SERTAD4: variants seen among roughly 807,000 people sequenced by gnomAD.
SERTAD4 encodes the protein SERTA domain containing 4.
A neutral mutation model predicts 32.9 loss-of-function variants in SERTAD4; 18 were observed. That is an observed-to-expected ratio of 0.55 (90% confidence interval 0.38 to 0.81). The LOEUF is 0.81. Among genes scored for constraint, SERTAD4 ranks in the 30% least tolerant of loss-of-function variants. The pLI, the probability that SERTAD4 is intolerant of heterozygous loss-of-function variation, is 0.00. For missense variants in SERTAD4, 383 were observed against 426.0 expected, an observed-to-expected ratio of 0.90 and a Z score of 0.89; for synonymous variants, 150 against 156.4, an observed-to-expected ratio of 0.96 and a Z score of 0.30.
Position 210,241,490 on chromosome 1 carries a change from C to G in SERTAD4, c.292-68C>G, listed in dbSNP as rs1305084836. ...TGCTATGATGATGTTTTCATATAGTCCATTTTCTAAGCTTTCTCTCTTCCT... is the reference window on the plus strand; with the variant it reads ...TGCTATGATGATGTTTTCATATAGTGCATTTTCTAAGCTTTCTCTCTTCCT... On this transcript the variant is annotated intron_variant, in intron 3 of 3. Transcript: ENST00000367012. The G allele has an allele frequency of 2.1e-6, 3 of 1,439,672 alleles. No individual in the cohort carries two copies. The Admixed American group carries it at 7.0e-5, about 33-fold the overall frequency. The allele number at this position is 1,439,672 out of a possible 1,614,324, so 89.2% of individuals were successfully genotyped here. A position where few individuals can be genotyped will look rare whatever the true frequency, so the allele number is the denominator to read the frequency against.
At chr1:210,233,309 C>G (rs1019609258) in intron 1 of SERTAD4, among the ~76,000 whole-genome samples, 1 of 151,964 alleles carries the variant, frequency 6.6e-6, no homozygotes, top group Non-Finnish European at 1.5e-5. Flanking sequence ...TAGGGCTGCT[C>G]GGGCTGCCAC....
rs1002210087 is a variant in SERTAD4, at chr1:210,242,499, T to C, written c.*162T>C. ...GAGAGCAGATTGCGTAAAACATCTG[T>C]ATAGCAGGCATCAGCGAGCTTCTTA... On this transcript the variant is annotated 3_prime_UTR_variant, in exon 4 of 4. Transcript: ENST00000367012. The surrounding 1 kb of genome is among the most constrained non-coding windows in gnomAD (Gnocchi z 4.0). 1.5e-6 allele frequency: 2 copies of C among 1,376,782 alleles called. No homozygotes were observed. The allele number at this position is 1,376,782 out of a possible 1,614,324, so 85.3% of individuals were successfully genotyped here. A position where few individuals can be genotyped will look rare whatever the true frequency, so the allele number is the denominator to read the frequency against.
intron 1 of SERTAD4, chr1:210,233,724 AC>A (rs1343851361): frequency 2.1e-6 from 1 of 470,920 alleles, no homozygotes; most frequent in Admixed American, 2.3e-5. Context: ...GGCCCTAGCA[AC>A]TTTCCGAGTG....
intron 1 of SERTAD4, chr1:210,233,701 C>G (rs778070381): frequency 8.5e-6 from 4 of 470,872 alleles, no homozygotes; most frequent in Non-Finnish European, 1.8e-5. Context: ...CCTTCCTCCC[C>G]TCCCGCCTCT....
Position 210,245,409 on chromosome 1 carries a change from G to A in SERTAD4, c.*3072G>A, listed in dbSNP as rs921457266. The A allele has an allele frequency of 6.6e-6, 1 of 152,088 alleles. No homozygotes were observed. Among genetic ancestry groups the A allele is most frequent in the African/African-American group, 2.4e-5 (1 of 41,400 alleles). 9.4% of individuals were successfully genotyped at this position (152,088 alleles called of 1,614,324 possible). A position where few individuals can be genotyped will look rare whatever the true frequency, so the allele number is the denominator to read the frequency against. On this transcript the variant is annotated 3_prime_UTR_variant, in exon 4 of 4. Transcript: ENST00000367012. ...CTAAAAACAGCAGATTATAGAAGGT[G>A]GTCTGGCAAAGGGATTTTCAAAGGG...
chr1:210,239,908 A>G (rs1488548901), intron 3 of SERTAD4, among the ~76,000 whole-genome samples: 2 of 152,180 alleles, frequency 1.3e-5, no homozygotes, highest in East Asian at 1.9e-4. Flanking sequence ...TGGTTCTTCC[A>G]CACTTTTGTG....
In SERTAD4 at chr1:210,241,848, A is replaced by G. The variant is rs769737103; in HGVS notation, c.582A>G (p.Glu194=). ...TTCATGCCTGCTGCTTTTACCAAGA[A>G]TGTGGTGGCCACTACCTAAATTTAC... ...EKFHACCFYQ[E]CGGHYLNLPL... Residue 194 remains glutamate, a synonymous_variant, in exon 4 of 4, where the codon GAA becomes GAG. Transcript: ENST00000367012. The G allele has an allele frequency of 1.2e-6, 2 of 1,614,124 alleles. No homozygotes were observed. The highest frequency in any genetic ancestry group is 1.7e-6 in the Non-Finnish European group (2 of 1,180,008).
intron 3 of SERTAD4, among the ~76,000 whole-genome samples, chr1:210,240,972 A>G (rs1262307600): frequency 6.6e-6 from 1 of 152,142 alleles, no homozygotes. Context: ...AAAAACATGT[A>G]TTGATGTACA....
chr1:210,242,162 A>G lies in SERTAD4; in HGVS notation c.896A>G (p.His299Arg), dbSNP rs375120449. 1.9e-6 allele frequency: 3 copies of G among 1,614,106 alleles called. No individual in the cohort carries two copies. The African/African-American group carries it at 4.0e-5, about 22-fold the overall frequency. Reference sequence around the variant, plus strand: ...AACAGAGATGGTGGCCCCCTCAGCCACGAACCTGTGGGAAATGACCTTGCT... The same window carrying G: ...AACAGAGATGGTGGCCCCCTCAGCCGCGAACCTGTGGGAAATGACCTTGCT... The part of the protein sequence containing the change: ...DTNRDGGPLS[H>R]EPVGNDLAFE... The change falls in exon 4 of 4, where the codon CAC becomes CGC. Residue 299 changes from histidine (H) to arginine (R), a missense_variant. Transcript: ENST00000367012. The surrounding 1 kb of genome is among the most constrained non-coding windows in gnomAD (Gnocchi z 4.0).
At position 210,244,864 on chromosome 1, in the gene SERTAD4, G is replaced by A. The variant is rs767728722; in HGVS notation, c.*2527G>A. ...GCAGCATAAAAATCTGTTCTTTTTA[G>A]TCATCAAGTTTTTGTTTCCAGGATA... On this transcript the variant is annotated 3_prime_UTR_variant, in exon 4 of 4. Transcript: ENST00000367012. The A allele has an allele frequency of 6.6e-6, 1 of 152,062 alleles. No individual in the cohort carries two copies. The highest frequency in any genetic ancestry group is 2.4e-5 in the African/African-American group (1 of 41,406). The allele number at this position is 152,062 out of a possible 1,614,324, so 9.4% of individuals were successfully genotyped here.
At chr1:210,234,041 C>A (rs2083915833) in intron 1 of SERTAD4, 1 of 314,990 alleles carries the variant, frequency 3.2e-6, no homozygotes, top group Middle Eastern at 1.2e-3. Context: ...AGCTCTTATT[C>A]TTCAGAAGAG....
In SERTAD4 at chr1:210,246,001, T is replaced by G; in HGVS notation, c.*3664T>G. 3 of 898,260 alleles carry G rather than the reference T, an allele frequency of 3.3e-6. No homozygotes were observed. Among genetic ancestry groups the G allele is most frequent in the Non-Finnish European group, 4.0e-6 (3 of 750,654 alleles). 55.6% of individuals were successfully genotyped at this position (898,260 alleles called of 1,614,324 possible). On this transcript the variant is annotated 3_prime_UTR_variant, in exon 4 of 4. Coordinates refer to ENST00000367012, the MANE Select transcript of SERTAD4 (RefSeq NM_019605.5). ...TCTGACAGCCCCTTAAATTTGAAGT[T>G]ATTTCATTTGTAGTTAAGGTTATCA...
At position 210,241,620 on chromosome 1, in the gene SERTAD4, T is replaced by G; in HGVS notation, c.354T>G (p.Phe118Leu). Residue 118 changes from phenylalanine to leucine, a missense_variant, in exon 4 of 4, where the codon TTT becomes TTG. Around this residue, in one of 3 missense-constraint regions of SERTAD4, gnomAD observed 107 missense variants for 158.8 expected, o/e 0.67. Transcript: ENST00000367012. ...ILYMSLEKLKFIDDPEVYLRR... is the reference protein window; with the variant it reads ...ILYMSLEKLKLIDDPEVYLRR... ...ATATGTCCTTAGAAAAGCTAAAGTTTATCGATGATCCTGAAGTGTACCTCC... is the reference window on the plus strand; with the variant it reads ...ATATGTCCTTAGAAAAGCTAAAGTTGATCGATGATCCTGAAGTGTACCTCC... The G allele has an allele frequency of 6.2e-7, 1 of 1,613,080 alleles. No homozygotes were observed. Among genetic ancestry groups the G allele is most frequent in the African/African-American group, 1.3e-5 (1 of 74,854 alleles).
chr1:210,241,259 CA>C (rs2083991459), intron 3 of SERTAD4, among the ~76,000 whole-genome samples: 1 of 152,114 alleles, frequency 6.6e-6, no homozygotes, highest in Admixed American at 6.5e-5. Flanking sequence ...CATAATAGAT[CA>C]AACCACCTGA....
chr1:210,233,713 C>T (rs1401829796), intron 1 of SERTAD4: 5 of 470,964 alleles, frequency 1.1e-5, no homozygotes, highest in Non-Finnish European at 2.2e-5. Flanking sequence ...CCCGCCTCTT[C>T]GGCCCTAGCA....
Position 210,241,894 on chromosome 1 carries a change from G to A in SERTAD4, c.628G>A (p.Val210Ile), listed in dbSNP as rs1321970953. The change falls in exon 4 of 4, where the codon GTT becomes ATT. Residue 210 changes from valine (V) to isoleucine (I), a missense_variant. Coordinates refer to ENST00000367012, the MANE Select transcript of SERTAD4 (RefSeq NM_019605.5). ...LNLPLSVNAN[V>I]GSASTAASSP... ...TTTACCCCTTTCTGTCAATGCTAAT[G>A]TTGGAAGTGCCTCCACTGCTGCCTC... is the stretch of plus-strand genomic sequence containing the variant. 1.1e-5 allele frequency: 17 copies of A among 1,614,008 alleles called. No individual in the cohort carries two copies. In the South Asian group the frequency reaches 1.8e-4, roughly 17 times the overall value.
intron 1 of SERTAD4, among the ~76,000 whole-genome samples, chr1:210,235,213 G>C (rs747469813): frequency 6.6e-6 from 1 of 152,108 alleles, no homozygotes; most frequent in Non-Finnish European, 1.5e-5. Flanking sequence ...AATTGCTGAC[G>C]TCAGTAGCAG....
chr1:210,246,025 C>T lies in SERTAD4; in HGVS notation c.*3688C>T, dbSNP rs2084045895. On this transcript the variant is annotated 3_prime_UTR_variant, in exon 4 of 4. Coordinates refer to ENST00000367012, the MANE Select transcript of SERTAD4 (RefSeq NM_019605.5). ...TTATTTCATTTGTAGTTAAGGTTAT[C>T]ACATCCCTGCCAATTTTACTAGATT... 2.9e-6 allele frequency: 2 copies of T among 680,678 alleles called. No individual in the cohort carries two copies. Among genetic ancestry groups the T allele is most frequent in the Non-Finnish European group, 1.8e-6 (1 of 551,676 alleles). The allele number at this position is 680,678 out of a possible 1,614,324, so 42.2% of individuals were successfully genotyped here. A position where few individuals can be genotyped will look rare whatever the true frequency, so the allele number is the denominator to read the frequency against.
At chr1:210,239,635 T>A (rs750389145) in intron 3 of SERTAD4, 27 bp downstream of exon 3, 1 of 1,290,022 alleles carries the variant, frequency 7.8e-7, no homozygotes, top group East Asian at 2.4e-5. Flanking sequence ...GTCATTATTT[T>A]TATTAAGAGT....
Sources: allele counts gnomAD v4.1 joint callset (sites outside exome capture counted in the v4.1 genomes callset), GRCh38; gene constraint gnomAD v4.1.1; regional missense constraint gnomAD v4.1.1; non-coding constraint Gnocchi (gnomAD v3.1); transcripts MANE v1.5; gene names NCBI Gene and HGNC (gene_info 2026-07-23, HGNC 2026-07-21).